Variants in ESYT2 observed in about 807,000 individuals in gnomAD.
ESYT2 encodes the protein extended synaptotagmin 2.
ESYT2 carries 54 observed loss-of-function variants against 107.2 expected under a neutral mutation model. The ratio of observed to expected loss-of-function variants is 0.50; its 90% CI spans 0.40 to 0.63. The LOEUF (loss-of-function observed/expected upper bound fraction) is 0.63, where lower values mean the gene tolerates loss of function less well. Ranked by LOEUF, ESYT2 falls within the 30% of genes least tolerant of loss-of-function variation. ESYT2 has a pLI of 0.00. For synonymous variants in ESYT2, 491 were observed against 434.1 expected (o/e 1.13, Z -1.63); for missense variants, 1,020 against 1,094.5 (o/e 0.93, Z 0.96).
At chr7:158,797,868 A>AAC in intron 3 of ESYT2, 74 bp downstream of exon 3, 1 of 1,559,576 alleles carries the variant, frequency 6.4e-7, no homozygotes, top group Non-Finnish European at 8.6e-7. Flanking sequence ...AAAAAAAAAA[A>AAC]AGAAAATGTG....
chr7:158,740,527 A>G (rs1837153926), intron 18 of ESYT2, among the ~76,000 whole-genome samples: 1 of 149,764 alleles, frequency 6.7e-6, no homozygotes, highest in African/African-American at 2.5e-5. Context: ...CTCTCTTCCC[A>G]TCTGATGAGA....
intron 1 of ESYT2, among the ~76,000 whole-genome samples, chr7:158,808,805 C>G (rs1487475190): frequency 5.9e-5 from 3 of 50,702 alleles, no homozygotes; most frequent in Non-Finnish European, 1.7e-4. Flanking sequence ...CCCATCTCTA[C>G]TAAAAAAAAA....
intron 1 of ESYT2, among the ~76,000 whole-genome samples, chr7:158,809,256 T>C (rs1238683431): frequency 6.6e-6 from 1 of 151,584 alleles, no homozygotes; most frequent in Non-Finnish European, 1.5e-5. Flanking sequence ...GGCGGGCGGA[T>C]CACAACGTCA....
intron 10 of ESYT2, 63 bp downstream of exon 10, chr7:158,763,020 G>T: frequency 1.7e-6 from 2 of 1,144,990 alleles, no homozygotes; most frequent in Non-Finnish European, 2.5e-6. Flanking sequence ...ACATACTTTT[G>T]ATTATTAAAC....
chr7:158,797,231 C>T (rs1253144706), intron 3 of ESYT2, among the ~76,000 whole-genome samples: 3 of 152,170 alleles, frequency 2.0e-5, no homozygotes, highest in Non-Finnish European at 2.9e-5. Flanking sequence ...ACTGCACTCT[C>T]CACCTCCTGG....
chr7:158,744,671 C>G (rs1837338800), intron 16 of ESYT2, among the ~76,000 whole-genome samples: 1 of 152,156 alleles, frequency 6.6e-6, no homozygotes, highest in Non-Finnish European at 1.5e-5. Flanking sequence ...GCCTCTTTTT[C>G]CTGTATAATA....
intron 13 of ESYT2, among the ~76,000 whole-genome samples, chr7:158,756,342 G>A (rs572389350): frequency 2.9e-4 from 44 of 152,236 alleles, no homozygotes; most frequent in South Asian, 2.1e-4. Context: ...AGTGCCAGAC[G>A]GGCAACATAT....
chr7:158,790,927 C>G (rs542426067), intron 4 of ESYT2, among the ~76,000 whole-genome samples: 15 of 152,208 alleles, frequency 9.9e-5, no homozygotes, highest in Admixed American at 7.8e-4. Flanking sequence ...GACTCTGTCT[C>G]AAAATAAATA....
intron 7 of ESYT2, among the ~76,000 whole-genome samples, chr7:158,771,525 C>A (rs1174755512): frequency 6.6e-6 from 1 of 152,164 alleles, no homozygotes; most frequent in Non-Finnish European, 1.5e-5. Flanking sequence ...GGGCGGGGAC[C>A]TAGCGGGAAA....
chr7:158,733,357 T>C lies in ESYT2; in HGVS notation c.*850A>G, dbSNP rs1836808933. ...GACTGATTGTTTGACAACAGCTTAA[T>C]TGCTAACATTGAAAGTCTGCTCTTA... is the stretch of plus-strand genomic sequence containing the variant. On this transcript the variant is annotated 3_prime_UTR_variant, in exon 23 of 23. Transcript: ENST00000275418. The C allele has an allele frequency of 1.3e-5, 2 of 152,250 alleles. No homozygotes were observed. Among genetic ancestry groups the C allele is most frequent in the Non-Finnish European group, 2.9e-5 (2 of 68,038 alleles). The allele number at this position is 152,250 out of a possible 1,614,324, so 9.4% of individuals were successfully genotyped here. A position where few individuals can be genotyped will look rare whatever the true frequency, so the allele number is the denominator to read the frequency against.
At chr7:158,787,926 C>A in intron 6 of ESYT2, 78 bp downstream of exon 6, 1 of 1,208,974 alleles carries the variant, frequency 8.3e-7, no homozygotes, top group South Asian at 1.3e-5. Context: ...TTTTGTTTCT[C>A]CACTTTATAT....
At chr7:158,817,590 T>TC (rs1482488143) in intron 1 of ESYT2, among the ~76,000 whole-genome samples, 10 of 152,288 alleles carry the variant, frequency 6.6e-5, no homozygotes, top group African/African-American at 2.4e-4. Context: ...CTTCCAGGTG[T>TC]CCAACCTTTC....
intron 1 of ESYT2, among the ~76,000 whole-genome samples, chr7:158,822,907 T>G (rs1424824718): frequency 2.6e-5 from 4 of 152,132 alleles, no homozygotes; most frequent in Non-Finnish European, 4.4e-5. Flanking sequence ...AGAACAATAT[T>G]CCTTAAAAAC....
At chr7:158,803,044 C>A (rs1839690246) in intron 1 of ESYT2, among the ~76,000 whole-genome samples, 1 of 152,250 alleles carries the variant, frequency 6.6e-6, no homozygotes, top group Non-Finnish European at 1.5e-5. Context: ...AGGAAGAATT[C>A]TTTCCCTCTC....
chr7:158,800,269 G>A (rs563997830), intron 1 of ESYT2, among the ~76,000 whole-genome samples: 11 of 151,998 alleles, frequency 7.2e-5, no homozygotes, highest in Non-Finnish European at 1.2e-4. Context: ...GGATGGTCTC[G>A]ATCTCTTGAC....
intron 6 of ESYT2, among the ~76,000 whole-genome samples, chr7:158,774,578 T>C (rs1375238071): frequency 6.6e-6 from 1 of 152,174 alleles, no homozygotes; most frequent in Non-Finnish European, 1.5e-5. Flanking sequence ...TCTTTTCTCT[T>C]ACACAACTTA....
chr7:158,746,287 T>C (rs980221847), intron 16 of ESYT2, among the ~76,000 whole-genome samples: 37 of 151,904 alleles, frequency 2.4e-4, no homozygotes, highest in African/African-American at 9.0e-4. Flanking sequence ...TAGCTGGGTA[T>C]GGTGGCATGC....
At chr7:158,743,710 A>G in intron 16 of ESYT2, 32 bp from the exon 17 acceptor site, 1 of 1,594,386 alleles carries the variant, frequency 6.3e-7, no homozygotes, top group South Asian at 1.1e-5. Flanking sequence ...CACTGGCATA[A>G]CTAGGATCAT....
intron 1 of ESYT2, among the ~76,000 whole-genome samples, chr7:158,817,709 TA>T (rs1261537585): frequency 1.3e-5 from 2 of 152,286 alleles, no homozygotes; most frequent in Non-Finnish European, 2.9e-5. Flanking sequence ...CAGCATCCTT[TA>T]AACCTGGCAA....
Sources: allele counts gnomAD v4.1 joint callset (sites outside exome capture counted in the v4.1 genomes callset), GRCh38; gene constraint gnomAD v4.1.1; transcripts MANE v1.5; gene names NCBI Gene and HGNC (gene_info 2026-07-23, HGNC 2026-07-21).